The following NKAIN2 variants were observed in gnomAD, a reference collection of about 807,000 sequenced individuals.
The protein encoded by NKAIN2 is sodium/potassium transporting ATPase interacting 2.
NKAIN2 carries 14 observed loss-of-function variants against 32.6 expected under a neutral mutation model. That is an observed-to-expected ratio of 0.43 (90% confidence interval 0.28 to 0.67). The LOEUF (loss-of-function observed/expected upper bound fraction) is 0.67, where lower values mean the gene tolerates loss of function less well. NKAIN2 is among the 30% of genes least tolerant of loss of function. NKAIN2 has a pLI of 0.17. For synonymous variants in NKAIN2, 80 were observed against 87.2 expected, an observed-to-expected ratio of 0.92 and a Z score of 0.46; for missense variants, 198 against 258.3, an observed-to-expected ratio of 0.77 and a Z score of 1.60.
intron 4 of NKAIN2, among the ~76,000 whole-genome samples, chr6:124,731,716 A>G (rs1776685930): frequency 6.6e-6 from 1 of 152,138 alleles, no homozygotes; most frequent in Non-Finnish European, 1.5e-5. Flanking sequence ...TAATTTAAAA[A>G]AAAAAAGAAT....
intron 4 of NKAIN2, among the ~76,000 whole-genome samples, chr6:124,760,566 A>G (rs182521596): frequency 1.6e-4 from 25 of 151,952 alleles, no homozygotes; most frequent in Admixed American, 1.4e-3. Flanking sequence ...CAGTGTAGAT[A>G]AGTCTATTAA....
chr6:123,909,590 A>T (rs1775063530), intron 1 of NKAIN2, among the ~76,000 whole-genome samples: 1 of 152,282 alleles, frequency 6.6e-6, no homozygotes, highest in Non-Finnish European at 1.5e-5. Flanking sequence ...TCTTCTACCT[A>T]GAGCATTCTT....
At chr6:124,664,044 G>A (rs1387310106) in intron 4 of NKAIN2, among the ~76,000 whole-genome samples, 2 of 152,106 alleles carry the variant, frequency 1.3e-5, no homozygotes, top group Non-Finnish European at 2.9e-5. Context: ...GGAGGCTGAG[G>A]AGGGTGGATC....
At chr6:124,039,089 A>G (rs946452700) in intron 1 of NKAIN2, among the ~76,000 whole-genome samples, 24 of 152,136 alleles carry the variant, frequency 1.6e-4, no homozygotes, top group African/African-American at 5.5e-4. Context: ...TGTTTTAAAA[A>G]AAGTTTTATA....
At chr6:124,402,665 G>A (rs990613922) in intron 3 of NKAIN2, among the ~76,000 whole-genome samples, 4 of 152,328 alleles carry the variant, frequency 2.6e-5, no homozygotes, top group African/African-American at 9.6e-5. Flanking sequence ...CATGGATGAA[G>A]CTGGAGGTCA....
chr6:124,284,150 T>A (rs1795440713), intron 2 of NKAIN2, among the ~76,000 whole-genome samples: 2 of 152,206 alleles, frequency 1.3e-5, no homozygotes, highest in Admixed American at 6.5e-5. Context: ...CAGCCTCCAG[T>A]GCATGTCACT....
rs573013081 is a variant in NKAIN2, at chr6:124,240,718, A to G, written c.55-42287A>G. ...CACCCCTTCATGCTAAAAACTCTCA[A>G]TAAACTAGGTATTGATGGAATGTAT... On this transcript the variant is annotated intron_variant, in intron 1 of 6. Transcript: ENST00000368417. Among the ~76,000 whole-genome samples, 9 of 152,314 alleles carry G rather than the reference A, an allele frequency of 5.9e-5. No homozygotes were observed. In the South Asian group the frequency reaches 1.7e-3, roughly 28 times the overall value.
At chr6:123,862,436 C>A (rs952061306) in intron 1 of NKAIN2, among the ~76,000 whole-genome samples, 3 of 152,130 alleles carry the variant, frequency 2.0e-5, no homozygotes, top group African/African-American at 7.2e-5. Flanking sequence ...TCCTGATGAG[C>A]CACTCTGTCT....
At chr6:124,756,586 G>C (rs569454195) in intron 4 of NKAIN2, among the ~76,000 whole-genome samples, 1 of 152,122 alleles carries the variant, frequency 6.6e-6, no homozygotes, top group Non-Finnish European at 1.5e-5. Flanking sequence ...TTGAGGCCAG[G>C]AGTTCAAGAC....
At chr6:124,376,335 T>C (rs972769192) in intron 3 of NKAIN2, among the ~76,000 whole-genome samples, 2 of 152,150 alleles carry the variant, frequency 1.3e-5, no homozygotes, top group Admixed American at 1.3e-4. Context: ...ACAATTTTTA[T>C]GGTAAAGAAC....
chr6:124,752,076 C>T (rs1777748293), intron 4 of NKAIN2, among the ~76,000 whole-genome samples: 1 of 151,984 alleles, frequency 6.6e-6, no homozygotes. Context: ...AGTATTACTG[C>T]TTTAGAAAAT....
At chr6:123,998,938 G>A (rs1292954732) in intron 1 of NKAIN2, among the ~76,000 whole-genome samples, 1 of 151,444 alleles carries the variant, frequency 6.6e-6, no homozygotes, top group Non-Finnish European at 1.5e-5. Context: ...TTTTGACACT[G>A]TTTTCATTAT....
chr6:124,421,412 A>G (rs1412817094), intron 3 of NKAIN2, among the ~76,000 whole-genome samples: 1 of 152,186 alleles, frequency 6.6e-6, no homozygotes, highest in Non-Finnish European at 1.5e-5. Flanking sequence ...ACCTATCCAT[A>G]TGAAAGCATT....
At chr6:124,197,445 T>C (rs1480893348) in intron 1 of NKAIN2, among the ~76,000 whole-genome samples, 1 of 152,188 alleles carries the variant, frequency 6.6e-6, no homozygotes, top group African/African-American at 2.4e-5. Context: ...TGACTACAAC[T>C]TTCCAATGAA....
intron 4 of NKAIN2, among the ~76,000 whole-genome samples, chr6:124,726,310 C>G (rs1251573259): frequency 1.2e-4 from 18 of 152,310 alleles, no homozygotes; most frequent in Non-Finnish European, 2.4e-4. Context: ...ATGTCCCTGT[C>G]TGACAGCTTT....
At chr6:123,978,822 A>G (rs1044780084) in intron 1 of NKAIN2, among the ~76,000 whole-genome samples, 1 of 152,172 alleles carries the variant, frequency 6.6e-6, no homozygotes, top group African/African-American at 2.4e-5. Context: ...TTCAATATTT[A>G]TCAGGCGAAT....
intron 3 of NKAIN2, among the ~76,000 whole-genome samples, chr6:124,590,949 T>C (rs1410918444): frequency 6.6e-6 from 1 of 152,170 alleles, no homozygotes; most frequent in East Asian, 1.9e-4. Context: ...GTACATGATG[T>C]TTGGATTTCT....
rs144578348 is a variant in NKAIN2 at position 123,985,597 on chromosome 6, A to T, written c.54+181343A>T. 6.6e-4 allele frequency among the ~76,000 whole-genome samples: 100 copies of T among 152,310 alleles called. 3 individuals are homozygous for T. In the East Asian group the frequency reaches 0.015, roughly 23 times the overall value. On this transcript the variant is annotated intron_variant, in intron 1 of 6. Coordinates refer to ENST00000368417, the MANE Select transcript of NKAIN2 (RefSeq NM_001040214.3). Reference sequence around the variant, plus strand: ...AGTCTGAAAAGATTCACAGATACACACCACTCTATTAGCATTCTTTCATCC... The same window carrying T: ...AGTCTGAAAAGATTCACAGATACACTCCACTCTATTAGCATTCTTTCATCC...
intron 1 of NKAIN2, among the ~76,000 whole-genome samples, chr6:123,963,176 C>A (rs1357134087): frequency 1.3e-5 from 2 of 152,172 alleles, no homozygotes; most frequent in Admixed American, 6.5e-5. Context: ...GCAGACTGAG[C>A]AGATTGCTAG....
Sources: gnomAD v4.1 joint callset for allele counts (sites outside exome capture counted in the v4.1 genomes callset) on GRCh38, gnomAD v4.1.1 for gene constraint, MANE v1.5 for transcripts, NCBI Gene and HGNC (gene_info 2026-07-23, HGNC 2026-07-21) for gene names.